The following TIMMDC1 variants were observed in gnomAD, a reference collection of about 807,000 sequenced individuals.
TIMMDC1 encodes the protein translocase of inner mitochondrial membrane domain containing 1, also known as complex I assembly factor TIMMDC1, mitochondrial.
TIMMDC1 carries 25 observed loss-of-function variants against 32.6 expected under a neutral mutation model. The ratio of observed to expected loss-of-function variants is 0.77; its 90% CI spans 0.56 to 1.07. The LOEUF (loss-of-function observed/expected upper bound fraction) is 1.07, where lower values mean the gene tolerates loss of function less well. Ranked by LOEUF, TIMMDC1 falls within the 50% of genes least tolerant of loss-of-function variation. The probability of loss-of-function intolerance (pLI) is 0.00; values close to 1 mark genes in which losing one functional copy is unlikely to be tolerated. For synonymous variants in TIMMDC1, 130 were observed against 127.6 expected, an observed-to-expected ratio of 1.02 and a Z score of -0.13; for missense variants, 329 against 349.2, an observed-to-expected ratio of 0.94 and a Z score of 0.46.
At chr3:119,507,793 G>C (rs188629805) in intron 4 of TIMMDC1, among the ~76,000 whole-genome samples, 236 of 152,308 alleles carry the variant, frequency 1.5e-3, no homozygotes, top group Non-Finnish European at 1.6e-3. Flanking sequence ...TAGTAATTTG[G>C]TATTAAGATG....
rs1472095540 is a variant in TIMMDC1 at position 119,525,082 on chromosome 3, C to G, written c.*1326C>G. On this transcript the variant is annotated 3_prime_UTR_variant, in exon 7 of 7. Coordinates refer to ENST00000494664, the MANE Select transcript of TIMMDC1 (RefSeq NM_016589.4). Reference sequence around the variant, plus strand: ...GACTACTGCTTTGACGTACCTAAATCATTCGTCTTACATGTCAGAGGAAAT... The same window carrying G: ...GACTACTGCTTTGACGTACCTAAATGATTCGTCTTACATGTCAGAGGAAAT... 1 of 152,196 alleles carries G rather than the reference C, an allele frequency of 6.6e-6. No individual in the cohort carries two copies. Among genetic ancestry groups the G allele is most frequent in the African/African-American group, 2.4e-5 (1 of 41,436 alleles). 9.4% of individuals were successfully genotyped at this position (152,196 alleles called of 1,614,324 possible). A position where few individuals can be genotyped will look rare whatever the true frequency, so the allele number is the denominator to read the frequency against.
chr3:119,517,947 C>T (rs1393429239), intron 6 of TIMMDC1, among the ~76,000 whole-genome samples: 2 of 149,690 alleles, frequency 1.3e-5, no homozygotes, highest in Non-Finnish European at 3.0e-5. Context: ...GGCCACAGAG[C>T]AAGACTCGGT....
chr3:119,507,641 A>T (rs920640250), intron 4 of TIMMDC1, among the ~76,000 whole-genome samples: 3 of 151,972 alleles, frequency 2.0e-5, no homozygotes, highest in Non-Finnish European at 2.9e-5. Flanking sequence ...ACCATATCTG[A>T]GTCTGGTTTT....
intron 2 of TIMMDC1, among the ~76,000 whole-genome samples, chr3:119,502,684 G>A (rs1261985252): frequency 2.0e-5 from 3 of 151,454 alleles, no homozygotes; most frequent in Non-Finnish European, 4.4e-5. Context: ...TCAGCCTTCC[G>A]AGTAGCTAGG....
chr3:119,523,622 G>A lies in TIMMDC1; in HGVS notation c.724G>A (p.Val242Ile). 6.2e-7 allele frequency: 1 copy of A among 1,607,578 alleles called. No homozygotes were observed. The highest frequency in any genetic ancestry group is 8.5e-7 in the Non-Finnish European group (1 of 1,177,648). The stretch of plus-strand genomic sequence containing the variant: ...TGATTACAGGAAAGGCAGACTACAA[G>A]TTACTGAGCACCTCCCTGAGAAAAT... The part of the protein sequence containing the change: ...KLEEWKGRLQ[V>I]TEHLPEKIES... The change falls in exon 7 of 7, where the codon GTT (valine) becomes ATT (isoleucine). Residue 242 changes from valine to isoleucine, a missense_variant. Transcript: ENST00000494664.
chr3:119,519,317 A>C (rs1292414180), intron 6 of TIMMDC1, among the ~76,000 whole-genome samples: 4 of 152,194 alleles, frequency 2.6e-5, no homozygotes, highest in Admixed American at 2.0e-4. Flanking sequence ...TGGCTGAATG[A>C]ATAAAAAAAA....
intron 2 of TIMMDC1, among the ~76,000 whole-genome samples, chr3:119,501,177 C>T (rs557589313): frequency 5.9e-5 from 9 of 152,188 alleles, no homozygotes; most frequent in Non-Finnish European, 1.2e-4. Context: ...CACAAAGCCT[C>T]CATGAGTATA....
intron 4 of TIMMDC1, among the ~76,000 whole-genome samples, chr3:119,511,210 G>A (rs187177065): frequency 8.6e-4 from 131 of 152,168 alleles, no homozygotes; most frequent in African/African-American, 2.4e-3. Context: ...TGGCATGGTG[G>A]CTCATGCCTG....
At chr3:119,523,455 T>G in intron 6 of TIMMDC1, 151 bp from the exon 7 acceptor site, 1 of 646,768 alleles carries the variant, frequency 1.5e-6, no homozygotes, top group South Asian at 2.3e-5. Context: ...AGAAGAAAGT[T>G]ACTGTATTTG....
At chr3:119,520,788 A>G (rs1383456662) in intron 6 of TIMMDC1, among the ~76,000 whole-genome samples, 1 of 152,218 alleles carries the variant, frequency 6.6e-6, no homozygotes, top group Non-Finnish European at 1.5e-5. Context: ...ATTAAACAAC[A>G]ACAACAACAA....
At chr3:119,503,428 G>A in intron 2 of TIMMDC1, 104 bp from the exon 3 acceptor site, 1 of 718,508 alleles carries the variant, frequency 1.4e-6, no homozygotes, top group South Asian at 2.0e-5. Context: ...CTATCTGTTT[G>A]GGTGTACCTG....
intron 6 of TIMMDC1, among the ~76,000 whole-genome samples, chr3:119,520,522 C>T (rs575153444): frequency 3.3e-5 from 5 of 152,204 alleles, no homozygotes; most frequent in Admixed American, 2.0e-4. Context: ...TATAATCTAT[C>T]GAGATTGAGC....
intron 4 of TIMMDC1, among the ~76,000 whole-genome samples, chr3:119,512,766 A>G (rs1167931264): frequency 3.3e-5 from 5 of 152,200 alleles, no homozygotes; most frequent in Non-Finnish European, 7.3e-5. Flanking sequence ...TTTTTGAGAC[A>G]GTCTCATTCT....
chr3:119,522,155 C>T (rs574503592), intron 6 of TIMMDC1, among the ~76,000 whole-genome samples: 2 of 152,214 alleles, frequency 1.3e-5, no homozygotes, highest in East Asian at 1.9e-4. Flanking sequence ...GAATCAACGT[C>T]AGTGTCCATC....
At chr3:119,522,835 T>TGTGA (rs1491362959) in intron 6 of TIMMDC1, among the ~76,000 whole-genome samples, 20 of 147,022 alleles carry the variant, frequency 1.4e-4, no homozygotes, top group Admixed American at 1.3e-3. Context: ...TGTGTGTGTG[T>TGTGA]GAGATATTTC....
chr3:119,523,146 A>C (rs538020470), intron 6 of TIMMDC1, among the ~76,000 whole-genome samples: 18 of 152,340 alleles, frequency 1.2e-4, no homozygotes, highest in Non-Finnish European at 2.1e-4. Context: ...GTTTTGTTCT[A>C]TCTGACTTTT....
chr3:119,509,277 T>C (rs764370641), intron 4 of TIMMDC1, among the ~76,000 whole-genome samples: 3 of 152,112 alleles, frequency 2.0e-5, no homozygotes, highest in Non-Finnish European at 4.4e-5. Context: ...CCAAGATAAA[T>C]GAAAACATGT....
intron 5 of TIMMDC1, among the ~76,000 whole-genome samples, chr3:119,515,080 C>T (rs1385597527): frequency 6.6e-6 from 1 of 151,832 alleles, no homozygotes; most frequent in Non-Finnish European, 1.5e-5. Flanking sequence ...ATCACAGATA[C>T]TCGGGAGGCT....
At chr3:119,500,557 G>GT in intron 1 of TIMMDC1, 138 bp from the exon 2 acceptor site, 1 of 753,168 alleles carries the variant, frequency 1.3e-6, no homozygotes, top group Non-Finnish European at 2.1e-6. Context: ...TAACTGAACT[G>GT]TTTAATTCAT....
Sources: allele counts gnomAD v4.1 joint callset (sites outside exome capture counted in the v4.1 genomes callset), GRCh38; gene constraint gnomAD v4.1.1; transcripts MANE v1.5; gene names NCBI Gene and HGNC (gene_info 2026-07-23, HGNC 2026-07-21).